The following RAB8B variants were observed in gnomAD, a reference collection of about 807,000 sequenced individuals.
RAB8B encodes ras-related protein Rab-8B.
In RAB8B, 11 loss-of-function variants were observed where a neutral mutation model predicts 32.0. That is an observed-to-expected ratio of 0.34 (90% CI 0.22 to 0.57). The LOEUF (loss-of-function observed/expected upper bound fraction) is 0.57. RAB8B is among the 20% of genes least tolerant of loss of function. RAB8B has a pLI of 0.86. For synonymous variants in RAB8B, 103 were observed against 89.6 expected (o/e 1.15, Z -0.85); for missense variants, 190 against 258.5 (o/e 0.73, Z 1.82).
intron 3 of RAB8B, among the ~76,000 whole-genome samples, chr15:63,252,349 A>G (rs1213588719): frequency 6.6e-6 from 1 of 152,182 alleles, no homozygotes; most frequent in Non-Finnish European, 1.5e-5. Flanking sequence ...CAAGCGTGGA[A>G]GAAGTATTGT....
chr15:63,262,641 A>G, intron 6 of RAB8B, 51 bp from the exon 7 acceptor site: 1 of 521,462 alleles, frequency 1.9e-6, no homozygotes, highest in Non-Finnish European at 2.9e-6. Flanking sequence ...ATATATATAT[A>G]CATATATATA....
At chr15:63,221,940 G>A (rs1390830675) in intron 1 of RAB8B, among the ~76,000 whole-genome samples, 1 of 152,138 alleles carries the variant, frequency 6.6e-6, no homozygotes, top group African/African-American at 2.4e-5. Flanking sequence ...GCTTGTAACA[G>A]TCACATATTT....
chr15:63,200,383 T>C (rs1289876641), intron 1 of RAB8B, among the ~76,000 whole-genome samples: 1 of 152,232 alleles, frequency 6.6e-6, no homozygotes, highest in East Asian at 1.9e-4. Context: ...TGTTTTGGTT[T>C]GAGTAATAAA....
chr15:63,224,594 C>T (rs1279984491), intron 1 of RAB8B, among the ~76,000 whole-genome samples: 1 of 152,144 alleles, frequency 6.6e-6, no homozygotes, highest in East Asian at 1.9e-4. Context: ...CTCTAGTTTG[C>T]CAGGATGATC....
At chr15:63,197,800 G>A (rs1261971477) in intron 1 of RAB8B, among the ~76,000 whole-genome samples, 1 of 152,118 alleles carries the variant, frequency 6.6e-6, no homozygotes, top group Non-Finnish European at 1.5e-5. Flanking sequence ...GTTCTGTTGA[G>A]TTCTGAGGTC....
intron 1 of RAB8B, among the ~76,000 whole-genome samples, chr15:63,192,787 C>T (rs1162411575): frequency 2.0e-5 from 3 of 152,158 alleles, no homozygotes; most frequent in African/African-American, 7.2e-5. Context: ...CTTTCTTCTT[C>T]TCACTTCTCT....
At chr15:63,191,010 C>G (rs1270669636) in intron 1 of RAB8B, among the ~76,000 whole-genome samples, 1 of 152,216 alleles carries the variant, frequency 6.6e-6, no homozygotes, top group East Asian at 1.9e-4. Flanking sequence ...TTATCATAAA[C>G]TGAAGACCAA....
intron 1 of RAB8B, among the ~76,000 whole-genome samples, chr15:63,205,801 A>C (rs1375605956): frequency 6.6e-6 from 1 of 152,256 alleles, no homozygotes; most frequent in Non-Finnish European, 1.5e-5. Context: ...ATGTACCCAG[A>C]AAAGCATATT....
At chr15:63,252,938 G>T (rs1055271620) in intron 3 of RAB8B, among the ~76,000 whole-genome samples, 7 of 152,058 alleles carry the variant, frequency 4.6e-5, no homozygotes, top group African/African-American at 1.7e-4. Context: ...AATAGAGATG[G>T]GGTTTCCCCA....
intron 3 of RAB8B, among the ~76,000 whole-genome samples, chr15:63,253,552 C>T (rs1257370586): frequency 2.6e-5 from 4 of 151,950 alleles, no homozygotes; most frequent in Admixed American, 6.6e-5. Flanking sequence ...TGTGGTGGCT[C>T]ATGCCCGTAA....
Position 63,265,153 on chromosome 15 carries a change from A to G in RAB8B, c.*1534A>G, listed in dbSNP as rs2038235789. ...ATGCCTGTTTTGCTTCACAAAGGCT[A>G]CTATCATGCTGGATAGATAAGAACA... On this transcript the variant is annotated 3_prime_UTR_variant, in exon 8 of 8. Coordinates refer to ENST00000321437, the MANE Select transcript of RAB8B (RefSeq NM_016530.3). This position sits in a 1 kb window ranked among gnomAD's most constrained non-coding sequence, Gnocchi z 4.9. The G allele has an allele frequency of 6.6e-6, 1 of 152,548 alleles. No individual in the cohort carries two copies. Among genetic ancestry groups the G allele is most frequent in the African/African-American group, 2.4e-5 (1 of 41,466 alleles). 9.4% of individuals were successfully genotyped at this position (152,548 alleles called of 1,614,324 possible). A position where few individuals can be genotyped will look rare whatever the true frequency, so the allele number is the denominator to read the frequency against.
In RAB8B at chr15:63,259,277, G is replaced by A. The variant is rs1475577804; in HGVS notation, c.415-350G>A. Reference sequence around the variant, plus strand: ...TGGGACTACAGGCGGGTGCCACCACGCCCGGCTAATTTTTTGTATTTTTAG... The same window carrying A: ...TGGGACTACAGGCGGGTGCCACCACACCCGGCTAATTTTTTGTATTTTTAG... On this transcript the variant is annotated intron_variant, in intron 5 of 7. Coordinates refer to ENST00000321437, the MANE Select transcript of RAB8B (RefSeq NM_016530.3). This position sits in a 1 kb window ranked among gnomAD's most constrained non-coding sequence, Gnocchi z 4.4. Among the ~76,000 whole-genome samples the A allele has an allele frequency of 2.0e-5, 3 of 151,860 alleles. No individual in the cohort carries two copies. Among genetic ancestry groups the A allele is most frequent in the Non-Finnish European group, 2.9e-5 (2 of 67,862 alleles).
intron 1 of RAB8B, among the ~76,000 whole-genome samples, chr15:63,191,620 A>G (rs2037556629): frequency 6.6e-6 from 1 of 152,222 alleles, no homozygotes; most frequent in Admixed American, 6.5e-5. Flanking sequence ...ACAATTTTTC[A>G]TTGTTGAATG....
At chr15:63,263,420 AG>A in intron 7 of RAB8B, 106 bp from the exon 8 acceptor site, 1 of 564,622 alleles carries the variant, frequency 1.8e-6, no homozygotes, top group Non-Finnish European at 2.7e-6. Flanking sequence ...ACATTTCACT[AG>A]AATACACATT....
At chr15:63,263,156 G>A (rs898454394) in intron 7 of RAB8B, among the ~76,000 whole-genome samples, 4 of 152,034 alleles carry the variant, frequency 2.6e-5, no homozygotes, top group African/African-American at 9.7e-5. Flanking sequence ...CTATAATTGC[G>A]TACCTTATGC....
intron 1 of RAB8B, among the ~76,000 whole-genome samples, chr15:63,207,855 C>T (rs530446291): frequency 7.9e-5 from 12 of 152,258 alleles, no homozygotes; most frequent in Admixed American, 5.2e-4. Context: ...TGAGCCACCG[C>T]GCCTGGCCCC....
chr15:63,211,022 A>T (rs1407310004), intron 1 of RAB8B, among the ~76,000 whole-genome samples: 4 of 152,234 alleles, frequency 2.6e-5, no homozygotes, highest in Non-Finnish European at 5.9e-5. Context: ...AGATACCACT[A>T]CACAAGGGAC....
At chr15:63,227,277 C>T (rs2037896535) in intron 1 of RAB8B, among the ~76,000 whole-genome samples, 2 of 152,006 alleles carry the variant, frequency 1.3e-5, no homozygotes, top group African/African-American at 4.8e-5. Context: ...GTATGTATTT[C>T]CTGACCTAAT....
At chr15:63,232,600 G>A (rs988773172) in intron 1 of RAB8B, among the ~76,000 whole-genome samples, 2 of 152,256 alleles carry the variant, frequency 1.3e-5, no homozygotes, top group Middle Eastern at 3.4e-3. Flanking sequence ...TGTCACTGTT[G>A]ACATATATAA....
Sources: gnomAD v4.1 joint callset for allele counts (sites outside exome capture counted in the v4.1 genomes callset) on GRCh38, gnomAD v4.1.1 for gene constraint, Gnocchi (gnomAD v3.1) non-coding constraint, MANE v1.5 for transcripts, NCBI Gene and HGNC (gene_info 2026-07-23, HGNC 2026-07-21) for gene names.